FIP1L1: variants seen among roughly 807,000 people sequenced by gnomAD.
FIP1L1 encodes pre-mRNA 3'-end-processing factor FIP1.
FIP1L1 carries 21 observed loss-of-function variants against 84.6 expected under a neutral mutation model. The ratio of observed to expected loss-of-function variants is 0.25; its 90% CI spans 0.18 to 0.36. The LOEUF is 0.36. Among genes scored for constraint, FIP1L1 ranks in the 10% least tolerant of loss-of-function variants. The pLI, the probability that FIP1L1 is intolerant of heterozygous loss-of-function variation, is 1.00. For missense variants in FIP1L1, 526 were observed against 751.1 expected (o/e 0.70, Z 3.50); for synonymous variants, 263 against 242.3 (o/e 1.09, Z -0.80).
At chr4:53,438,461 C>G (rs1251333820) in intron 13 of FIP1L1, among the ~76,000 whole-genome samples, 1 of 152,154 alleles carries the variant, frequency 6.6e-6, no homozygotes, top group Non-Finnish European at 1.5e-5. Flanking sequence ...AGTGTTTCAT[C>G]AACTTTATAG....
In FIP1L1 at chr4:53,377,675, A is replaced by C. The variant is rs1404036240; in HGVS notation, c.-164A>C. 1.6e-6 allele frequency: 1 copy of C among 621,762 alleles called. No individual in the cohort carries two copies. Among genetic ancestry groups the C allele is most frequent in the African/African-American group, 1.9e-5 (1 of 52,798 alleles). 38.5% of individuals were successfully genotyped at this position (621,762 alleles called of 1,614,324 possible). A position where few individuals can be genotyped will look rare whatever the true frequency, so the allele number is the denominator to read the frequency against. On this transcript the variant is annotated 5_prime_UTR_variant, in exon 1 of 18. Coordinates refer to ENST00000337488, the MANE Select transcript of FIP1L1 (RefSeq NM_030917.4). ...CAGACGGACCTGCGCTGGAGGCTTC[A>C]TCTTTGCCGCCGCTGCCGTCGCCTT...
At position 53,377,825 on chromosome 4, in the gene FIP1L1, C is replaced by A. The variant is rs747897235; in HGVS notation, c.-14C>A. 33 of 1,553,110 alleles carry A rather than the reference C, an allele frequency of 2.1e-5. No homozygotes were observed. Among genetic ancestry groups the A allele is most frequent in the Non-Finnish European group, 2.8e-5 (32 of 1,148,352 alleles). On this transcript the variant is annotated 5_prime_UTR_variant, in exon 1 of 18. Coordinates refer to ENST00000337488, the MANE Select transcript of FIP1L1 (RefSeq NM_030917.4). ...GCTGTTGATCGCCGCGTTTAAGTTG[C>A]GCTCGGGGCGGCCATGTCGGCCGGC... is the stretch of plus-strand genomic sequence containing the variant.
intron 5 of FIP1L1, among the ~76,000 whole-genome samples, chr4:53,386,626 C>G (rs1191380364): frequency 6.6e-6 from 1 of 152,100 alleles, no homozygotes; most frequent in East Asian, 1.9e-4. Flanking sequence ...AGATGGGAGA[C>G]AGTGGTTTTT....
At chr4:53,444,640 G>A (rs181163929) in intron 15 of FIP1L1, among the ~76,000 whole-genome samples, 1 of 152,196 alleles carries the variant, frequency 6.6e-6, no homozygotes, top group East Asian at 1.9e-4. Context: ...TGTTGCCTAG[G>A]CTGGCGTGCA....
intron 10 of FIP1L1, among the ~76,000 whole-genome samples, chr4:53,407,455 G>A (rs1241519070): frequency 1.3e-5 from 2 of 152,168 alleles, no homozygotes; most frequent in Non-Finnish European, 2.9e-5. Context: ...TGGAATAGGT[G>A]TGGTGTGGTG....
At chr4:53,379,821 A>C (rs1197890021) in intron 3 of FIP1L1, among the ~76,000 whole-genome samples, 1 of 152,234 alleles carries the variant, frequency 6.6e-6, no homozygotes, top group African/African-American at 2.4e-5. Flanking sequence ...ATTTTACCCC[A>C]GATTTCAAAA....
intron 9 of FIP1L1, among the ~76,000 whole-genome samples, chr4:53,397,091 T>C (rs190185924): frequency 6.6e-6 from 1 of 152,346 alleles, no homozygotes; most frequent in African/African-American, 2.4e-5. Flanking sequence ...AAAGATGAGA[T>C]ATTTTTGTTG....
chr4:53,417,501 G>A (rs1760018122), intron 11 of FIP1L1, among the ~76,000 whole-genome samples: 1 of 151,430 alleles, frequency 6.6e-6, no homozygotes, highest in Non-Finnish European at 1.5e-5. Flanking sequence ...AATTAGCTGG[G>A]CCTGGTGGTG....
At position 53,459,002 on chromosome 4, in the gene FIP1L1, G is replaced by A. The variant is rs1042842103; in HGVS notation, c.1637+212G>A. On this transcript the variant is annotated intron_variant, in intron 17 of 17. Transcript: ENST00000337488. The stretch of plus-strand genomic sequence containing the variant: ...AAAATCAACCCTATACAGTATTTCC[G>A]GTTTTGAGTTAATGCCTGTTTCTAA... Among the ~76,000 whole-genome samples the A allele has an allele frequency of 5.3e-5, 8 of 152,100 alleles. No homozygotes were observed. In the South Asian group the frequency reaches 1.0e-3, roughly 20 times the overall value.
intron 11 of FIP1L1, among the ~76,000 whole-genome samples, chr4:53,421,685 T>C (rs545012496): frequency 1.3e-5 from 2 of 152,240 alleles, no homozygotes; most frequent in Admixed American, 1.3e-4. Flanking sequence ...GAAGCCCTTC[T>C]GTGAGAAAAC....
intron 16 of FIP1L1, among the ~76,000 whole-genome samples, chr4:53,453,833 C>G (rs1267753056): frequency 6.6e-6 from 1 of 152,086 alleles, no homozygotes; most frequent in African/African-American, 2.4e-5. Flanking sequence ...TAAAATATAT[C>G]CAGTGGATTA....
intron 10 of FIP1L1, among the ~76,000 whole-genome samples, chr4:53,400,993 A>G (rs561327817): frequency 6.6e-6 from 1 of 152,280 alleles, no homozygotes; most frequent in East Asian, 1.9e-4. Context: ...CTGGAGTCAG[A>G]TTTCTGGAGT....
At position 53,460,821 on chromosome 4, in the gene FIP1L1, A is replaced by T; in HGVS notation, c.*1372A>T. ...TTTTTACAATGTATTCTTTCTTTAA[A>T]TATAAAAACTGACAAGATAAATATA... On this transcript the variant is annotated 3_prime_UTR_variant, in exon 18 of 18. Transcript: ENST00000337488. The T allele has an allele frequency of 7.9e-7, 1 of 1,271,382 alleles. No individual in the cohort carries two copies. Among genetic ancestry groups the T allele is most frequent in the Middle Eastern group, 1.9e-4 (1 of 5,216 alleles). The allele number at this position is 1,271,382 out of a possible 1,614,324, so 78.8% of individuals were successfully genotyped here.
chr4:53,436,580 A>G (rs191496188), intron 13 of FIP1L1, among the ~76,000 whole-genome samples: 1 of 152,272 alleles, frequency 6.6e-6, no homozygotes, highest in East Asian at 1.9e-4. Flanking sequence ...CACAATGTCC[A>G]GCCCCCACAC....
chr4:53,407,575 C>G lies in FIP1L1; in HGVS notation c.816-7040C>G, dbSNP rs187505896. On this transcript the variant is annotated intron_variant, in intron 10 of 17. Coordinates refer to ENST00000337488, the MANE Select transcript of FIP1L1 (RefSeq NM_030917.4). The stretch of plus-strand genomic sequence containing the variant: ...AGTCCTGGGTATCCTTGTTAACTTT[C>G]TGTCTCGTTGGTCTGTCTAATGTTG... Among the ~76,000 whole-genome samples the G allele has an allele frequency of 1.3e-3, 188 of 147,102 alleles. 1 individual carries two copies. The highest frequency in any genetic ancestry group is 3.6e-3 in the Admixed American group (54 of 14,932).
chr4:53,400,881 A>G (rs1749872261), intron 10 of FIP1L1, among the ~76,000 whole-genome samples: 1 of 152,228 alleles, frequency 6.6e-6, no homozygotes, highest in Non-Finnish European at 1.5e-5. Context: ...TAATATTGTA[A>G]TATGTAGTAT....
rs569788943 is a variant in FIP1L1 at position 53,377,665 on chromosome 4, T to A, written c.-174T>A. 2 of 587,100 alleles carry A rather than the reference T, an allele frequency of 3.4e-6. No individual in the cohort carries two copies. Among genetic ancestry groups the A allele is most frequent in the African/African-American group, 1.9e-5 (1 of 52,224 alleles). The allele number at this position is 587,100 out of a possible 1,614,324, so 36.4% of individuals were successfully genotyped here. A position where few individuals can be genotyped will look rare whatever the true frequency, so the allele number is the denominator to read the frequency against. ...TGCGCATGCGCAGACGGACCTGCGC[T>A]GGAGGCTTCATCTTTGCCGCCGCTG... On this transcript the variant is annotated 5_prime_UTR_variant, in exon 1 of 18. Coordinates refer to ENST00000337488, the MANE Select transcript of FIP1L1 (RefSeq NM_030917.4).
At chr4:53,415,618 A>G (rs2149779294) in intron 11 of FIP1L1, among the ~76,000 whole-genome samples, 1 of 151,256 alleles carries the variant, frequency 6.6e-6, no homozygotes, top group Admixed American at 6.6e-5. Flanking sequence ...ATTTTAATTT[A>G]AAAACTTAAA....
chr4:53,446,178 T>A (rs1258669728), intron 15 of FIP1L1, among the ~76,000 whole-genome samples: 5 of 148,556 alleles, frequency 3.4e-5, no homozygotes, highest in African/African-American at 1.3e-4. Context: ...TTTCAATGAC[T>A]ATGTTTCTTC....
Sources: allele counts gnomAD v4.1 joint callset (sites outside exome capture counted in the v4.1 genomes callset), GRCh38; gene constraint gnomAD v4.1.1; transcripts MANE v1.5; gene names NCBI Gene and HGNC (gene_info 2026-07-23, HGNC 2026-07-21).